The following ITPR1 variants were observed in gnomAD, a reference collection of about 807,000 sequenced individuals.
ITPR1 encodes inositol 1,4,5-trisphosphate-gated calcium channel ITPR1.
Under a neutral mutation model 318.4 loss-of-function variants are expected in ITPR1, and 96 were observed. The observed-to-expected ratio is 0.30, with a 90% CI of 0.26 to 0.36. The LOEUF is 0.36. ITPR1 is among the 10% of genes least tolerant of loss of function. The pLI is 1.00. For missense variants in ITPR1, 2,440 were observed against 3,460.2 expected, an observed-to-expected ratio of 0.71 and a Z score of 7.40; for synonymous variants, 1,312 against 1,289.9, an observed-to-expected ratio of 1.02 and a Z score of -0.37.
rs186325994 is a variant in ITPR1 at position 4,829,872 on chromosome 3, C to T, written c.8029-6902C>T. Among the ~76,000 whole-genome samples the T allele has an allele frequency of 3.3e-5, 5 of 151,696 alleles. No individual in the cohort carries two copies. The East Asian group carries it at 9.7e-4, about 29-fold the overall frequency. On this transcript the variant is annotated intron_variant, in intron 60 of 61. Coordinates refer to ENST00000649015, the MANE Select transcript of ITPR1 (RefSeq NM_001378452.1). ...TTTATCACTCCCTCCCTCCCTCCCC[C>T]TGAGCCTCAGGCTGTCTCTGATCTT... is the stretch of plus-strand genomic sequence containing the variant.
intron 11 of ITPR1, among the ~76,000 whole-genome samples, chr3:4,653,134 G>A (rs1390866989): frequency 6.6e-6 from 1 of 152,192 alleles, no homozygotes; most frequent in Non-Finnish European, 1.5e-5. Flanking sequence ...GCTGGGAGAT[G>A]TATGATGCAT....
intron 36 of ITPR1, among the ~76,000 whole-genome samples, chr3:4,705,893 C>T (rs148530653): frequency 2.0e-5 from 3 of 152,286 alleles, no homozygotes; most frequent in Non-Finnish European, 4.4e-5. Context: ...TGAGGAAACC[C>T]ATTGAACTTT....
chr3:4,605,657 A>G (rs1379172421), intron 4 of ITPR1, among the ~76,000 whole-genome samples: 2 of 152,212 alleles, frequency 1.3e-5, no homozygotes, highest in Admixed American at 1.3e-4. Context: ...AAAGGTTAGC[A>G]AAAGGTGACT....
intron 4 of ITPR1, among the ~76,000 whole-genome samples, chr3:4,574,850 A>G (rs931374000): frequency 6.6e-6 from 1 of 152,254 alleles, no homozygotes; most frequent in Non-Finnish European, 1.5e-5. Flanking sequence ...TGTTAGAAGC[A>G]ACAGTAATTA....
chr3:4,519,441 G>T (rs1471898187), intron 3 of ITPR1, among the ~76,000 whole-genome samples: 2 of 152,200 alleles, frequency 1.3e-5, no homozygotes, highest in Non-Finnish European at 2.9e-5. Flanking sequence ...TGGCCAGAAT[G>T]GTCTCAATCT....
At chr3:4,556,755 G>A (rs548311086) in intron 4 of ITPR1, among the ~76,000 whole-genome samples, 3 of 152,236 alleles carry the variant, frequency 2.0e-5, no homozygotes, top group African/African-American at 7.2e-5. Flanking sequence ...TGGCAATTAT[G>A]AATAAAGCTG....
At chr3:4,617,299 G>T (rs967185775) in intron 4 of ITPR1, among the ~76,000 whole-genome samples, 1 of 152,072 alleles carries the variant, frequency 6.6e-6, no homozygotes, top group African/African-American at 2.4e-5. Context: ...CAGTTCTGGA[G>T]GCTGGGAAGT....
At chr3:4,649,535 G>A (rs1327275337) in intron 10 of ITPR1, among the ~76,000 whole-genome samples, 5 of 152,090 alleles carry the variant, frequency 3.3e-5, no homozygotes, top group South Asian at 2.1e-4. Context: ...ATTCTCCTGC[G>A]CTTGGTAGCT....
intron 4 of ITPR1, among the ~76,000 whole-genome samples, chr3:4,594,838 G>T (rs745782100): frequency 1.3e-5 from 2 of 152,192 alleles, no homozygotes; most frequent in Non-Finnish European, 2.9e-5. Context: ...AGGAAGAAAG[G>T]TGGAATGAGT....
intron 60 of ITPR1, among the ~76,000 whole-genome samples, chr3:4,822,693 C>G (rs1297120010): frequency 6.6e-6 from 1 of 152,156 alleles, no homozygotes; most frequent in Non-Finnish European, 1.5e-5. Flanking sequence ...TCCTTCAACT[C>G]AAGCACCTGA....
intron 4 of ITPR1, among the ~76,000 whole-genome samples, chr3:4,541,560 A>T (rs576070554): frequency 6.6e-6 from 1 of 151,862 alleles, no homozygotes; most frequent in Non-Finnish European, 1.5e-5. Context: ...ATATTTGTTA[A>T]GTTCCTAGAT....
intron 19 of ITPR1, 23 bp downstream of exon 19, chr3:4,669,796 G>C (rs1473682887): frequency 1.9e-6 from 3 of 1,594,138 alleles, no homozygotes; most frequent in Non-Finnish European, 2.6e-6. Flanking sequence ...CCAGGGTTTA[G>C]ATGGAAAACA....
chr3:4,768,069 A>G (rs2045933628), intron 45 of ITPR1, among the ~76,000 whole-genome samples: 1 of 152,228 alleles, frequency 6.6e-6, no homozygotes, highest in Non-Finnish European at 1.5e-5. Context: ...AATAACACAC[A>G]CAAAGTTCTT....
At chr3:4,739,067 TG>T (rs2043507114) in intron 44 of ITPR1, among the ~76,000 whole-genome samples, 1 of 152,216 alleles carries the variant, frequency 6.6e-6, no homozygotes, top group Non-Finnish European at 1.5e-5. Flanking sequence ...TCTCTTTCTC[TG>T]GAGAAAATGA....
At position 4,687,303 on chromosome 3, in the gene ITPR1, A is replaced by G. The variant is rs781312664; in HGVS notation, c.3703-1192A>G. Among the ~76,000 whole-genome samples, 11 of 152,368 alleles carry G rather than the reference A, an allele frequency of 7.2e-5. No homozygotes were observed. In the East Asian group the frequency reaches 7.7e-4, roughly 11 times the overall value. On this transcript the variant is annotated intron_variant, in intron 30 of 61. Transcript: ENST00000649015. Reference sequence around the variant, plus strand: ...GTCTAGCCCGGAACCAAAAGCTAACATTTACAGAGTAATCACTGTCTAAGC... The same window carrying G: ...GTCTAGCCCGGAACCAAAAGCTAACGTTTACAGAGTAATCACTGTCTAAGC...
chr3:4,558,597 T>C (rs1378735123), intron 4 of ITPR1, among the ~76,000 whole-genome samples: 1 of 152,162 alleles, frequency 6.6e-6, no homozygotes, highest in African/African-American at 2.4e-5. Context: ...ACTACTTTTT[T>C]AAAAAATGAA....
chr3:4,785,204 CTG>C (rs1168418442), intron 51 of ITPR1, among the ~76,000 whole-genome samples: 4 of 152,232 alleles, frequency 2.6e-5, no homozygotes, highest in Non-Finnish European at 5.9e-5. Flanking sequence ...CTCAGAGAGA[CTG>C]TGTCACTTTT....
At chr3:4,732,783 A>T (rs1190975998) in intron 42 of ITPR1, among the ~76,000 whole-genome samples, 1 of 152,052 alleles carries the variant, frequency 6.6e-6, no homozygotes, top group Non-Finnish European at 1.5e-5. Context: ...TTATCAACTT[A>T]CCCCAAAGAG....
intron 2 of ITPR1, among the ~76,000 whole-genome samples, chr3:4,508,093 G>A (rs143081146): frequency 6.6e-6 from 1 of 152,222 alleles, no homozygotes; most frequent in Non-Finnish European, 1.5e-5. Context: ...AGGCAGGCAG[G>A]GGATCCAAAG....
Sources: allele counts gnomAD v4.1 joint callset (sites outside exome capture counted in the v4.1 genomes callset), GRCh38; gene constraint gnomAD v4.1.1; transcripts MANE v1.5; gene names NCBI Gene and HGNC (gene_info 2026-07-23, HGNC 2026-07-21).